The following BPIFC variants were observed in gnomAD, a reference collection of about 807,000 sequenced individuals.
The protein encoded by BPIFC is BPI fold containing family C, also known as BPI fold-containing family C protein.
Under a neutral mutation model 57.6 loss-of-function variants are expected in BPIFC, and 60 were observed. The observed-to-expected ratio is 1.04, with a 90% CI of 0.85 to 1.29. BPIFC has a LOEUF of 1.29. Among genes scored for constraint, BPIFC ranks in the 50% most tolerant of loss-of-function variants. BPIFC has a pLI of 0.00. For synonymous variants in BPIFC, 243 were observed against 224.5 expected (o/e 1.08, Z -0.74); for missense variants, 581 against 600.5 (o/e 0.97, Z 0.34).
In BPIFC at chr22:32,436,464, GAAA is replaced by G. The variant is rs556116531; in HGVS notation, c.748-587_748-585del. On this transcript the variant is annotated intron_variant, in intron 9 of 16. Coordinates refer to ENST00000300399, the MANE Select transcript of BPIFC (RefSeq NM_174932.3). ...AGAAGAAGAAGCATAAGAAGAAGAA[GAAA>G]AAGAAGAGGAAGAAGAAGAAGAAGA... Among the ~76,000 whole-genome samples the G allele has an allele frequency of 9.1e-4, 139 of 152,028 alleles. 2 individuals carry two copies. Among genetic ancestry groups the G allele is most frequent in the African/African-American group, 2.9e-3 (122 of 41,500 alleles).
At chr22:32,449,994 A>C (rs940851535) in intron 4 of BPIFC, among the ~76,000 whole-genome samples, 1 of 151,884 alleles carries the variant, frequency 6.6e-6, no homozygotes, top group Non-Finnish European at 1.5e-5. Flanking sequence ...TTGGCCTCCC[A>C]AAGTGCTGGG....
At chr22:32,450,103 C>T (rs1601478745) in intron 4 of BPIFC, among the ~76,000 whole-genome samples, 1 of 8,926 alleles carries the variant, frequency 1.1e-4, no homozygotes, top group Non-Finnish European at 2.7e-4. Context: ...TACACACACA[C>T]ACACACACAC....
intron 14 of BPIFC, among the ~76,000 whole-genome samples, chr22:32,418,421 T>C (rs1933745829): frequency 6.6e-6 from 1 of 152,196 alleles, no homozygotes; most frequent in Non-Finnish European, 1.5e-5. Flanking sequence ...TTCTTTGCTG[T>C]TGGGAGCTGT....
At chr22:32,418,653 G>A (rs553703438) in intron 14 of BPIFC, among the ~76,000 whole-genome samples, 1 of 152,252 alleles carries the variant, frequency 6.6e-6, no homozygotes, top group East Asian at 1.9e-4. Context: ...GGCTCAATAA[G>A]TATTTATCAG....
rs556463711 is a variant in BPIFC, at chr22:32,451,042, TTGTACTAGC to T, written c.245+2332_245+2340del. ...AATAAATAAAAATGCATTTCCTCAG[TTGTACTAGC>T]TGCATTTAGTGTTTAATAGCCACCT... On this transcript the variant is annotated intron_variant, in intron 4 of 16. Coordinates refer to ENST00000300399, the MANE Select transcript of BPIFC (RefSeq NM_174932.3). 2.0e-4 allele frequency among the ~76,000 whole-genome samples: 30 copies of T among 152,328 alleles called. No homozygotes were observed. The East Asian group carries it at 4.6e-3, about 23-fold the overall frequency.
At chr22:32,433,311 C>A (rs1934299935) in intron 11 of BPIFC, among the ~76,000 whole-genome samples, 1 of 152,206 alleles carries the variant, frequency 6.6e-6, no homozygotes. Flanking sequence ...AATCCCTAGC[C>A]CGTAGGTTCA....
At chr22:32,433,135 G>A (rs145887234) in intron 11 of BPIFC, among the ~76,000 whole-genome samples, 79 of 152,242 alleles carry the variant, frequency 5.2e-4, no homozygotes, top group African/African-American at 1.8e-3. Context: ...CAGGGGAGGC[G>A]GATATTGCAG....
At chr22:32,420,815 C>T (rs1471827685) in intron 13 of BPIFC, among the ~76,000 whole-genome samples, 1 of 152,152 alleles carries the variant, frequency 6.6e-6, no homozygotes, top group Non-Finnish European at 1.5e-5. Context: ...TCACTAGGTA[C>T]TCCATGAATG....
At chr22:32,446,446 G>A (rs985717482) in intron 5 of BPIFC, among the ~76,000 whole-genome samples, 1 of 152,214 alleles carries the variant, frequency 6.6e-6, no homozygotes, top group Non-Finnish European at 1.5e-5. Context: ...GACTTAGCAT[G>A]TGGCCTGACA....
rs144029370 is a variant in BPIFC, at chr22:32,418,036, A to C, written c.1261-888T>G. Among the ~76,000 whole-genome samples the C allele has an allele frequency of 8.0e-4, 122 of 152,310 alleles. 1 individual carries two copies. In the East Asian group the frequency reaches 0.02, roughly 25 times the overall value. On this transcript the variant is annotated intron_variant, in intron 14 of 16. Transcript: ENST00000300399. ...ATTATGCTACACTGCCTCTTGACGT[A>C]AAAATGACAATAACTGAAATAATTA...
intron 2 of BPIFC, among the ~76,000 whole-genome samples, chr22:32,460,109 C>T (rs1055759518): frequency 1.3e-5 from 2 of 152,094 alleles, no homozygotes; most frequent in African/African-American, 2.4e-5. Context: ...AAAGGGACTT[C>T]TAGAGAATTT....
chr22:32,442,609 G>A, intron 8 of BPIFC, 62 bp downstream of exon 8: 6 of 1,526,824 alleles, frequency 3.9e-6, no homozygotes, highest in Non-Finnish European at 5.4e-6. Context: ...AGCAAACCCA[G>A]GCAGTACCAG....
intron 13 of BPIFC, among the ~76,000 whole-genome samples, chr22:32,424,947 A>T (rs959564977): frequency 2.0e-5 from 3 of 151,406 alleles, no homozygotes; most frequent in African/African-American, 7.3e-5. Context: ...ATGCCCAGCT[A>T]ATTTTTGTAT....
At chr22:32,417,971 C>G (rs1933733870) in intron 14 of BPIFC, among the ~76,000 whole-genome samples, 1 of 151,838 alleles carries the variant, frequency 6.6e-6, no homozygotes, top group African/African-American at 2.4e-5. Flanking sequence ...AATGGGAATT[C>G]ACTTTTGCAG....
In BPIFC at chr22:32,453,443, A is replaced by G; in HGVS notation, c.185T>C (p.Leu62Ser). ...QMLKEKKLPDLSGSESLEFLK... is the reference protein window; with the variant it reads ...QMLKEKKLPDSSGSESLEFLK... ...AAATTCAAGAGACTCAGAACCGCTT[A>G]AATCTGGGAGTTTCTTTTCTTTTAG... Residue 62 changes from leucine (L) to serine (S), a missense_variant, in exon 4 of 17, where the codon TTA becomes TCA. Coordinates refer to ENST00000300399, the MANE Select transcript of BPIFC (RefSeq NM_174932.3). 1 of 1,606,824 alleles carries G rather than the reference A, an allele frequency of 6.2e-7. No homozygotes were observed. Among genetic ancestry groups the G allele is most frequent in the South Asian group, 1.1e-5 (1 of 88,658 alleles).
At chr22:32,420,008 A>T (rs1933796979) in intron 13 of BPIFC, among the ~76,000 whole-genome samples, 1 of 151,954 alleles carries the variant, frequency 6.6e-6, no homozygotes, top group Non-Finnish European at 1.5e-5. Flanking sequence ...GCAACTTGGA[A>T]TGTAGAACAA....
intron 5 of BPIFC, 38 bp downstream of exon 5, chr22:32,447,174 T>G (rs757696523): frequency 6.7e-7 from 1 of 1,496,172 alleles, no homozygotes; most frequent in Admixed American, 2.3e-5. Context: ...GCTCACATTC[T>G]CCCAGAACAG....
At position 32,435,781 on chromosome 22, in the gene BPIFC, C is replaced by T. The variant is rs113455565; in HGVS notation, c.847G>A (p.Ala283Thr). The T allele has an allele frequency of 4.5e-5, 73 of 1,613,922 alleles. No individual in the cohort carries two copies. The highest frequency in any genetic ancestry group is 5.6e-5 in the Non-Finnish European group (66 of 1,180,020). ...GACGCAGATTTAAAGAAATACTCGG[C>T]GATTCCAATGTAGAGCATGGAGTTG... ...RSNSMLYIGI[A>T]EYFFKSASFA... Residue 283 changes from alanine to threonine, a missense_variant, in exon 10 of 17, where the codon GCC becomes ACC. Physicochemically the swap from Ala to Thr is moderately conservative, Grantham distance 58. Transcript: ENST00000300399.
At chr22:32,446,795 G>A in intron 5 of BPIFC, 1 of 985,390 alleles carries the variant, frequency 1.0e-6, no homozygotes, top group South Asian at 4.7e-5. Context: ...TCAGGCTTAA[G>A]CTGACTACCA....
Sources: allele counts gnomAD v4.1 joint callset (sites outside exome capture counted in the v4.1 genomes callset), GRCh38; gene constraint gnomAD v4.1.1; transcripts MANE v1.5; gene names NCBI Gene and HGNC (gene_info 2026-07-23, HGNC 2026-07-21).